The following PDE11A variants were observed in gnomAD, a reference collection of about 807,000 sequenced individuals.
PDE11A encodes the protein dual 3',5'-cyclic-AMP and -GMP phosphodiesterase 11A.
PDE11A carries 100 observed loss-of-function variants against 100.5 expected under a neutral mutation model. The observed-to-expected ratio is 1.00, with a 90% confidence interval of 0.85 to 1.18. PDE11A has a LOEUF of 1.18. Among genes scored for constraint, PDE11A ranks in the 50% most tolerant of loss-of-function variants. The pLI, the probability that PDE11A is intolerant of heterozygous loss-of-function variation, is 0.00. For missense variants in PDE11A, 1,141 were observed against 1,152.6 expected (o/e 0.99, Z 0.15); for synonymous variants, 381 against 420.8 (o/e 0.91, Z 1.16).
chr2:178,051,175 A>T (rs58454751), intron 1 of PDE11A, among the ~76,000 whole-genome samples: 15,232 of 152,266 alleles, frequency 0.1, 794 homozygotes, highest in Middle Eastern at 0.15. Context: ...AAACTCTGCA[A>T]GCCAGAAGAG....
At chr2:177,906,349 G>A (rs956234345) in intron 2 of PDE11A, among the ~76,000 whole-genome samples, 2 of 152,104 alleles carry the variant, frequency 1.3e-5, no homozygotes, top group Non-Finnish European at 2.9e-5. Flanking sequence ...GAAGCACCCA[G>A]GACATCCAGA....
At chr2:177,758,513 A>G (rs1026550849) in intron 10 of PDE11A, among the ~76,000 whole-genome samples, 2 of 152,154 alleles carry the variant, frequency 1.3e-5, no homozygotes, top group African/African-American at 2.4e-5. Flanking sequence ...TATTCTGGGG[A>G]AAAGGAAGAG....
chr2:177,828,420 C>G (rs1385811778), intron 6 of PDE11A, among the ~76,000 whole-genome samples: 1 of 151,560 alleles, frequency 6.6e-6, no homozygotes, highest in Non-Finnish European at 1.5e-5. Context: ...TGAAAAACAA[C>G]AACAAAATCC....
At chr2:178,064,750 G>A (rs2087021374) in intron 1 of PDE11A, among the ~76,000 whole-genome samples, 1 of 151,676 alleles carries the variant, frequency 6.6e-6, no homozygotes, top group African/African-American at 2.4e-5. Context: ...CTTGAGCCCA[G>A]GAGTTTTAAT....
intron 9 of PDE11A, among the ~76,000 whole-genome samples, chr2:177,795,872 AG>A (rs924030756): frequency 6.8e-6 from 1 of 146,594 alleles, no homozygotes; most frequent in African/African-American, 2.5e-5. Context: ...GGCCACGTGA[AG>A]CAAAAGTCTC....
chr2:177,636,803 T>C (rs1234315467), intron 19 of PDE11A, among the ~76,000 whole-genome samples: 1 of 152,158 alleles, frequency 6.6e-6, no homozygotes, highest in African/African-American at 2.4e-5. Context: ...ACCAAAAATG[T>C]CTCCAGATAT....
intron 10 of PDE11A, among the ~76,000 whole-genome samples, chr2:177,731,236 A>G (rs1461807630): frequency 6.6e-6 from 1 of 152,212 alleles, no homozygotes; most frequent in Non-Finnish European, 1.5e-5. Flanking sequence ...TTAATACATT[A>G]GAGGCTTTAG....
intron 2 of PDE11A, among the ~76,000 whole-genome samples, chr2:177,983,050 T>C (rs1202179924): frequency 6.6e-6 from 1 of 150,674 alleles, no homozygotes; most frequent in East Asian, 1.9e-4. Context: ...CACTCCAGCA[T>C]GGGTGACAGA....
chr2:177,783,170 C>T (rs1016942395), intron 9 of PDE11A, among the ~76,000 whole-genome samples: 2 of 152,152 alleles, frequency 1.3e-5, no homozygotes, highest in Non-Finnish European at 2.9e-5. Context: ...AGAATCATTT[C>T]CCACATCCTC....
At chr2:178,022,752 A>C (rs889684439) in intron 1 of PDE11A, among the ~76,000 whole-genome samples, 2 of 152,186 alleles carry the variant, frequency 1.3e-5, no homozygotes, top group African/African-American at 2.4e-5. Flanking sequence ...ATGGTGCCCA[A>C]TTTTTACTCA....
chr2:177,891,214 C>T (rs946174491), intron 4 of PDE11A, among the ~76,000 whole-genome samples: 7 of 152,046 alleles, frequency 4.6e-5, no homozygotes, highest in East Asian at 1.9e-4. Context: ...TGCTTGAACC[C>T]GGGAGGCGGA....
intron 10 of PDE11A, among the ~76,000 whole-genome samples, chr2:177,734,315 T>G (rs570303137): frequency 2.6e-5 from 4 of 152,198 alleles, no homozygotes; most frequent in Admixed American, 2.6e-4. Context: ...AAAAAATAAC[T>G]TGTCTTCTCG....
At chr2:177,818,025 T>C (rs1450439253) in intron 7 of PDE11A, 100 bp from the exon 8 acceptor site, 1 of 716,772 alleles carries the variant, frequency 1.4e-6, no homozygotes, top group Non-Finnish European at 2.6e-6. Flanking sequence ...TTTAAGGAAC[T>C]GCACTCAGTT....
intron 2 of PDE11A, among the ~76,000 whole-genome samples, chr2:177,940,828 T>A (rs2085338010): frequency 6.6e-6 from 1 of 152,206 alleles, no homozygotes; most frequent in South Asian, 2.1e-4. Flanking sequence ...TTACCCTCTA[T>A]CTTGCAGTCT....
At chr2:177,960,803 A>C (rs1470567752) in intron 2 of PDE11A, among the ~76,000 whole-genome samples, 1 of 152,206 alleles carries the variant, frequency 6.6e-6, no homozygotes, top group East Asian at 1.9e-4. Flanking sequence ...GCTGCCCAGC[A>C]TCCCATATTT....
At chr2:177,998,542 A>G in intron 2 of PDE11A, 1 of 1,324,152 alleles carries the variant, frequency 7.6e-7, no homozygotes. Flanking sequence ...CGTCAAATAG[A>G]TACATCTTCA....
chr2:177,766,972 T>C (rs1356733041), intron 10 of PDE11A, among the ~76,000 whole-genome samples: 1 of 152,224 alleles, frequency 6.6e-6, no homozygotes, highest in African/African-American at 2.4e-5. Flanking sequence ...TAGAAATGCA[T>C]ACCAAATTCC....
intron 5 of PDE11A, among the ~76,000 whole-genome samples, chr2:177,851,809 CGTCATGGGG>C (rs2083715221): frequency 6.6e-6 from 1 of 151,962 alleles, no homozygotes; most frequent in Non-Finnish European, 1.5e-5. Context: ...GGTAAACATG[CGTCATGGGG>C]GTTTGTTGTA....
chr2:177,838,835 TG>T (rs1244029466), intron 6 of PDE11A, among the ~76,000 whole-genome samples: 1 of 152,216 alleles, frequency 6.6e-6, no homozygotes, highest in East Asian at 1.9e-4. Flanking sequence ...AGAGGAGAAC[TG>T]AAGAACTTTG....
Sources: allele counts gnomAD v4.1 joint callset (sites outside exome capture counted in the v4.1 genomes callset), GRCh38; gene constraint gnomAD v4.1.1; transcripts MANE v1.5; gene names NCBI Gene and HGNC (gene_info 2026-07-23, HGNC 2026-07-21).